Variants in PPP1R2 observed in about 807,000 individuals in gnomAD.
PPP1R2 encodes the protein protein phosphatase 1 regulatory inhibitor subunit 2.
A neutral mutation model predicts 29.9 loss-of-function variants in PPP1R2; 16 were observed. That is an observed-to-expected ratio of 0.53 (90% confidence interval 0.36 to 0.81). The LOEUF (loss-of-function observed/expected upper bound fraction) is 0.81, where lower values mean the gene tolerates loss of function less well. PPP1R2 is among the 30% of genes least tolerant of loss of function. The pLI is 0.00. For missense variants in PPP1R2, 197 were observed against 252.7 expected, an observed-to-expected ratio of 0.78 and a Z score of 1.49; for synonymous variants, 76 against 91.5, an observed-to-expected ratio of 0.83 and a Z score of 0.96.
intron 3 of PPP1R2, 122 bp downstream of exon 3, chr3:195,524,696 TA>T: frequency 1.2e-6 from 1 of 869,208 alleles, no homozygotes; most frequent in Non-Finnish European, 1.8e-6. Context: ...AAAGTCGGCA[TA>T]AAACATGTTG....
At chr3:195,522,167 A>G (rs1718785848) in intron 4 of PPP1R2, among the ~76,000 whole-genome samples, 1 of 152,234 alleles carries the variant, frequency 6.6e-6, no homozygotes, top group Non-Finnish European at 1.5e-5. Context: ...AGTCACCAAA[A>G]TATTTTTACA....
Position 195,542,918 on chromosome 3 carries a change from G to T in PPP1R2, c.108C>A (p.Val36=), listed in dbSNP as rs1417642799. The change falls in exon 1 of 6, where the codon GTC becomes GTA. Residue 36 remains valine, a synonymous_variant. Coordinates refer to ENST00000618156, the MANE Select transcript of PPP1R2 (RefSeq NM_006241.8). ...VASAEQPRGN[V]DEELSKKSQK... is the part of the protein sequence containing the mutation. ...CCAGCGCTCACCTCAGCTCCTCGTC[G>T]ACATTCCCGCGGGGCTGTTCGGCCG... The T allele has an allele frequency of 6.2e-7, 1 of 1,602,392 alleles. No homozygotes were observed. Among genetic ancestry groups the T allele is most frequent in the African/African-American group, 1.3e-5 (1 of 74,566 alleles).
intron 4 of PPP1R2, 80 bp from the exon 5 acceptor site, chr3:195,519,265 G>T: frequency 9.5e-7 from 1 of 1,055,528 alleles, no homozygotes. Flanking sequence ...AAATTTTATT[G>T]AAACAGTGAT....
rs372741919 is a variant in PPP1R2 at position 195,518,495 on chromosome 3, C to CA, written c.571+522dup. Among the ~76,000 whole-genome samples the CA allele has an allele frequency of 6.6e-3, 1,007 of 151,760 alleles. 11 individuals carry two copies. The highest frequency in any genetic ancestry group is 0.023 in the African/African-American group (943 of 41,408). On this transcript the variant is annotated intron_variant, in intron 5 of 5. Transcript: ENST00000618156. ...TGAAACCCCATCTCTACTAAAAATA[C>CA]AAAAAATCAGCCAGGCGTGGTGGCA...
In PPP1R2 at chr3:195,524,771, G is replaced by A. The variant is rs763163991; in HGVS notation, c.308+48C>T. ...ACGCAGGCTGCTTTCAACTCTGCAC[G>A]ATTATAAACAGCCTAAGTGAAAATG... On this transcript the variant is annotated intron_variant, in intron 3 of 5. Transcript: ENST00000618156. 4.5e-6 allele frequency: 7 copies of A among 1,572,244 alleles called. No homozygotes were observed. In the South Asian group the frequency reaches 5.6e-5, roughly 13 times the overall value.
chr3:195,543,102 G>A lies in PPP1R2; in HGVS notation c.-77C>T. On this transcript the variant is annotated 5_prime_UTR_variant, in exon 1 of 6. Coordinates refer to ENST00000618156, the MANE Select transcript of PPP1R2 (RefSeq NM_006241.8). The stretch of plus-strand genomic sequence containing the variant: ...CGAAGAGAAGGGTCGGCACAGCAGA[G>A]ACTCGCAGGCAGCCGCAGATCCCGC... 2.7e-6 allele frequency: 4 copies of A among 1,490,978 alleles called. No individual in the cohort carries two copies. Among genetic ancestry groups the A allele is most frequent in the Non-Finnish European group, 3.6e-6 (4 of 1,115,628 alleles). The allele number at this position is 1,490,978 out of a possible 1,614,324, so 92.4% of individuals were successfully genotyped here.
rs143484087 is a variant in PPP1R2, at chr3:195,518,486, C to T, written c.571+532G>A. ...CTAACATGGTGAAACCCCATCTCTACTAAAAATACAAAAAATCAGCCAGGC... is the reference window on the plus strand; with the variant it reads ...CTAACATGGTGAAACCCCATCTCTATTAAAAATACAAAAAATCAGCCAGGC... On this transcript the variant is annotated intron_variant, in intron 5 of 5. Coordinates refer to ENST00000618156, the MANE Select transcript of PPP1R2 (RefSeq NM_006241.8). Among the ~76,000 whole-genome samples the T allele has an allele frequency of 4.7e-3, 715 of 151,870 alleles. 5 individuals carry two copies. Among genetic ancestry groups the T allele is most frequent in the African/African-American group, 0.016 (651 of 41,362 alleles).
chr3:195,540,539 GA>G (rs1376352413), intron 1 of PPP1R2, among the ~76,000 whole-genome samples: 1 of 152,202 alleles, frequency 6.6e-6, no homozygotes, highest in African/African-American at 2.4e-5. Context: ...AACTCACGTT[GA>G]AACTTGATCT....
chr3:195,537,784 G>GA (rs879399123), intron 1 of PPP1R2, among the ~76,000 whole-genome samples: 28 of 150,048 alleles, frequency 1.9e-4, no homozygotes, highest in African/African-American at 4.6e-4. Flanking sequence ...AACACTAACA[G>GA]AAAAAAAAAT....
At chr3:195,525,760 A>G (rs1718947767) in intron 2 of PPP1R2, among the ~76,000 whole-genome samples, 1 of 152,200 alleles carries the variant, frequency 6.6e-6, no homozygotes, top group Non-Finnish European at 1.5e-5. Context: ...AAGCCACTGC[A>G]AAGTATATAA....
chr3:195,540,569 G>A (rs1045551021), intron 1 of PPP1R2, among the ~76,000 whole-genome samples: 1 of 152,222 alleles, frequency 6.6e-6, no homozygotes, highest in Non-Finnish European at 1.5e-5. Context: ...GCAGTGTGGA[G>A]AGGCACAGCT....
chr3:195,526,165 G>A (rs1161224293), intron 2 of PPP1R2, among the ~76,000 whole-genome samples: 4 of 149,540 alleles, frequency 2.7e-5, no homozygotes, highest in Non-Finnish European at 5.9e-5. Flanking sequence ...GCACCATCAC[G>A]GCTCACTACA....
intron 4 of PPP1R2, 28 bp downstream of exon 4, chr3:195,523,664 G>C: frequency 6.4e-7 from 1 of 1,559,850 alleles, no homozygotes; most frequent in Non-Finnish European, 8.8e-7. Flanking sequence ...CTAGCACCAT[G>C]ATGAAAGCAG....
At chr3:195,520,811 A>T (rs1251764401) in intron 4 of PPP1R2, among the ~76,000 whole-genome samples, 1 of 151,672 alleles carries the variant, frequency 6.6e-6, no homozygotes, top group Non-Finnish European at 1.5e-5. Context: ...GTGCCACCAC[A>T]CCTGGCCTCC....
intron 4 of PPP1R2, among the ~76,000 whole-genome samples, chr3:195,520,850 C>T (rs923913154): frequency 2.0e-5 from 3 of 151,480 alleles, no homozygotes; most frequent in Non-Finnish European, 4.4e-5. Flanking sequence ...TTGATTTTTA[C>T]TAGAGACGGG....
intron 1 of PPP1R2, 65 bp downstream of exon 1, chr3:195,542,839 G>A: frequency 1.3e-6 from 2 of 1,520,056 alleles, no homozygotes; most frequent in Non-Finnish European, 1.8e-6. Flanking sequence ...CCGCCCCTGG[G>A]GTCTGGGTAG....
At chr3:195,519,383 C>T (rs969228793) in intron 4 of PPP1R2, 198 bp from the exon 5 acceptor site, 1 of 462,394 alleles carries the variant, frequency 2.2e-6, no homozygotes, top group Non-Finnish European at 3.8e-6. Flanking sequence ...TATTTACTAT[C>T]TGGCATTCAT....
intron 5 of PPP1R2, among the ~76,000 whole-genome samples, chr3:195,518,065 A>C (rs1718613992): frequency 6.6e-6 from 1 of 152,194 alleles, no homozygotes. Flanking sequence ...GAAAAGTATG[A>C]AGTTTGTAAG....
In PPP1R2 at chr3:195,520,561, G is replaced by A. The variant is rs142327837; in HGVS notation, c.404-1376C>T. 6.5e-3 allele frequency among the ~76,000 whole-genome samples: 986 copies of A among 152,284 alleles called. 11 individuals are homozygous for A. The highest frequency in any genetic ancestry group is 0.022 in the African/African-American group (922 of 41,542). ...TAGAAGGCTGAAACTGCAGTGAGCC[G>A]CGACTATGCCACTGCACTCCAGCCT... On this transcript the variant is annotated intron_variant, in intron 4 of 5. Coordinates refer to ENST00000618156, the MANE Select transcript of PPP1R2 (RefSeq NM_006241.8).
Sources: gnomAD v4.1 joint callset for allele counts (sites outside exome capture counted in the v4.1 genomes callset) on GRCh38, gnomAD v4.1.1 for gene constraint, MANE v1.5 for transcripts, NCBI Gene and HGNC (gene_info 2026-07-23, HGNC 2026-07-21) for gene names.